The following GK variants were observed in gnomAD, a reference collection of about 807,000 sequenced individuals.
The protein encoded by GK is glycerol kinase, also known as ATP:glycerol 3-phosphotransferase.
GK carries 9 observed loss-of-function variants against 56.4 expected under a neutral mutation model. The ratio of observed to expected loss-of-function variants is 0.16; its 90% CI spans 0.10 to 0.28. GK has a LOEUF of 0.28. Ranked by LOEUF, GK falls within the 10% of genes least tolerant of loss-of-function variation. The pLI is 1.00. For synonymous variants in GK, 104 were observed against 144.1 expected (o/e 0.72, Z 1.99); for missense variants, 161 against 431.4 (o/e 0.37, Z 5.55).
intron 3 of GK, among the ~76,000 whole-genome samples, chrX:30,669,828 T>C (rs996282875): frequency 1.8e-4 from 20 of 111,810 alleles, no homozygotes; most frequent in African/African-American, 5.5e-4. Context: ...GAGTGCCTAC[T>C]ATGTGCCAGA....
intron 6 of GK, among the ~76,000 whole-genome samples, chrX:30,695,371 A>G (rs1415651778): frequency 1.8e-5 from 2 of 112,245 alleles, no homozygotes; most frequent in African/African-American, 3.2e-5. Flanking sequence ...GAACCAGAGT[A>G]AGGCAAGATG....
At chrX:30,664,129 T>TATATATATTTTATAG (rs1932907556) in intron 1 of GK, among the ~76,000 whole-genome samples, 3 of 86,472 alleles carry the variant, frequency 3.5e-5, no homozygotes, top group Non-Finnish European at 2.1e-5. Flanking sequence ...TATATAGATC[T>TATATATATTTTATAG]ATATATATTT....
At chrX:30,668,153 ACT>A in intron 3 of GK, 35 bp downstream of exon 3, 1 of 724,949 alleles carries the variant, frequency 1.4e-6, no homozygotes, top group Middle Eastern at 2.9e-4. Context: ...ACATAATAAG[ACT>A]CTCTCAATCA....
At chrX:30,660,317 C>T (rs1415422463) in intron 1 of GK, among the ~76,000 whole-genome samples, 2 of 110,441 alleles carry the variant, frequency 1.8e-5, no homozygotes, top group African/African-American at 6.6e-5. Flanking sequence ...TGTTCACTTT[C>T]CTTGTTTCTT....
At chrX:30,668,218 G>A (rs1445809328) in intron 3 of GK, 100 bp downstream of exon 3, 4 of 536,665 alleles carry the variant, frequency 7.5e-6, no homozygotes, top group African/African-American at 4.6e-5. Flanking sequence ...GCAGTGCCAA[G>A]CATTTCTATG....
chrX:30,727,967 A>T (rs1347779491), intron 20 of GK, among the ~76,000 whole-genome samples: 1 of 111,807 alleles, frequency 8.9e-6, no homozygotes, highest in African/African-American at 3.2e-5. Context: ...TAACTTTTCA[A>T]TTCTGGCAAG....
chrX:30,680,944 A>G (rs1464256433), intron 4 of GK, among the ~76,000 whole-genome samples: 5 of 111,955 alleles, frequency 4.5e-5, no homozygotes, highest in Non-Finnish European at 7.5e-5. Flanking sequence ...CTTTAACACT[A>G]ATTGGATTAA....
intron 1 of GK, among the ~76,000 whole-genome samples, chrX:30,664,018 A>C (rs12007053): frequency 1.1e-5 from 1 of 90,470 alleles, no homozygotes; most frequent in Non-Finnish European, 2.1e-5. Context: ...TTTTATATAT[A>C]TCTATATATA....
intron 2 of GK, among the ~76,000 whole-genome samples, chrX:30,666,730 G>GT (rs1876194530): frequency 8.9e-6 from 1 of 112,313 alleles, no homozygotes; most frequent in Non-Finnish European, 1.9e-5. Context: ...AATAATAAAA[G>GT]TTATTGATAT....
chrX:30,682,620 A>G (rs771801940), intron 4 of GK, among the ~76,000 whole-genome samples: 5 of 112,307 alleles, frequency 4.5e-5, no homozygotes, highest in Admixed American at 9.5e-5. Context: ...CTAAAGCAAC[A>G]CAAGGTAGGA....
chrX:30,702,822 A>G (rs183539742), intron 11 of GK, among the ~76,000 whole-genome samples: 471 of 112,799 alleles, frequency 4.2e-3, no homozygotes, highest in African/African-American at 0.014. Context: ...TAACATTTCT[A>G]GATTAAACGT....
intron 4 of GK, among the ~76,000 whole-genome samples, chrX:30,680,197 A>G (rs747310000): frequency 4.0e-4 from 45 of 111,894 alleles, no homozygotes; most frequent in Non-Finnish European, 7.0e-4. Flanking sequence ...AGCAGCGATA[A>G]TAATACTCAG....
chrX:30,679,018 T>A (rs1934119671), intron 4 of GK, among the ~76,000 whole-genome samples: 1 of 109,455 alleles, frequency 9.1e-6, no homozygotes, highest in Admixed American at 9.8e-5. Flanking sequence ...ATGTTTTAAA[T>A]GTTTATTTTG....
At chrX:30,665,240 G>A (rs763920098) in intron 1 of GK, among the ~76,000 whole-genome samples, 1 of 111,541 alleles carries the variant, frequency 9.0e-6, no homozygotes, top group Non-Finnish European at 1.9e-5. Context: ...TTAAATTTCC[G>A]AGAACCATTT....
chrX:30,709,252 T>C (rs1216357515), intron 13 of GK, among the ~76,000 whole-genome samples: 1 of 111,771 alleles, frequency 8.9e-6, no homozygotes, highest in East Asian at 2.8e-4. Flanking sequence ...ATCAGTGCTT[T>C]AGAATACAGG....
chrX:30,719,064 C>A (rs1936765615), intron 14 of GK, among the ~76,000 whole-genome samples: 1 of 111,271 alleles, frequency 9.0e-6, no homozygotes, highest in South Asian at 3.8e-4. Context: ...TTAACTTTGC[C>A]TGAAGGTGAG....
Position 30,718,551 on chromosome X carries a change from T to C in GK, c.989T>C (p.Ile330Thr). 8.4e-7 allele frequency: 1 copy of C among 1,185,444 alleles called. No homozygotes were observed. Among genetic ancestry groups the C allele is most frequent in the Non-Finnish European group, 1.1e-6 (1 of 871,650 alleles). Residue 330 changes from isoleucine to threonine, a missense_variant, in exon 14 of 21, where the codon ATA becomes ACA. Physicochemically the swap from Ile to Thr is moderately conservative, Grantham distance 89. Coordinates refer to ENST00000427190, the MANE Select transcript of GK (RefSeq NM_001205019.2). ...VYYALEGSVAIAGAVIRWLRD... is the reference protein window; with the variant it reads ...VYYALEGSVATAGAVIRWLRD... ...TTTTTTCTTTAGGGTTCTGTAGCTA[T>C]AGCTGGTGCTGTTATTCGCTGGCTA...
chrX:30,702,191 C>T (rs138955350), intron 11 of GK, among the ~76,000 whole-genome samples: 2,875 of 110,357 alleles, frequency 0.026, 93 homozygotes, highest in African/African-American at 0.09. Context: ...TATAGGCATG[C>T]GCCACCACGC....
intron 19 of GK, among the ~76,000 whole-genome samples, chrX:30,726,865 G>A (rs1937157893): frequency 8.9e-6 from 1 of 111,837 alleles, no homozygotes; most frequent in Non-Finnish European, 1.9e-5. Flanking sequence ...CAATTTTGAA[G>A]CAATCATAAT....
Sources: gnomAD v4.1 joint callset for allele counts (sites outside exome capture counted in the v4.1 genomes callset) on GRCh38, gnomAD v4.1.1 for gene constraint, MANE v1.5 for transcripts, NCBI Gene and HGNC (gene_info 2026-07-23, HGNC 2026-07-21) for gene names.